The following NOVA1 variants were observed in gnomAD, a reference collection of about 807,000 sequenced individuals.
The protein encoded by NOVA1 is NOVA alternative splicing regulator 1, also known as RNA-binding protein Nova-1.
A neutral mutation model predicts 38.0 loss-of-function variants in NOVA1; 7 were observed. That is an observed-to-expected ratio of 0.18 (90% confidence interval 0.10 to 0.35). The LOEUF (loss-of-function observed/expected upper bound fraction) is 0.35. Ranked by LOEUF, NOVA1 falls within the 10% of genes least tolerant of loss-of-function variation. The pLI is 1.00. For missense variants in NOVA1, 460 were observed against 616.0 expected (o/e 0.75, Z 2.68); for synonymous variants, 270 against 232.5 (o/e 1.16, Z -1.47).
Position 26,470,244 on chromosome 14 carries a change from A to G in NOVA1, c.519+2076T>C, listed in dbSNP as rs187197367. The stretch of plus-strand genomic sequence containing the variant: ...TTATCTTGGTTATATACTTCCAGAT[A>G]TAAGTCAGTATAGCAAAGCTAAATT... On this transcript the variant is annotated intron_variant, in intron 4 of 4. Coordinates refer to ENST00000539517, the MANE Select transcript of NOVA1 (RefSeq NM_002515.3). 2.0e-4 allele frequency: 234 copies of G among 1,169,172 alleles called. 1 individual carries two copies. The Middle Eastern group carries it at 3.7e-3, about 18-fold the overall frequency. The allele number at this position is 1,169,172 out of a possible 1,614,324, so 72.4% of individuals were successfully genotyped here. A position where few individuals can be genotyped will look rare whatever the true frequency, so the allele number is the denominator to read the frequency against.
chr14:26,481,524 T>C (rs1885447477), intron 2 of NOVA1, among the ~76,000 whole-genome samples: 2 of 152,016 alleles, frequency 1.3e-5, no homozygotes, highest in South Asian at 4.1e-4. Flanking sequence ...AAGAAAAACT[T>C]AGAGATATAC....
chr14:26,478,421 A>AT (rs1445749376), intron 3 of NOVA1, among the ~76,000 whole-genome samples: 1 of 151,926 alleles, frequency 6.6e-6, no homozygotes, highest in Non-Finnish European at 1.5e-5. Context: ...AAATGTTTGA[A>AT]TTTTCTCACA....
At chr14:26,564,588 T>C (rs1159715047) in intron 2 of NOVA1, among the ~76,000 whole-genome samples, 2 of 152,152 alleles carry the variant, frequency 1.3e-5, no homozygotes, top group Non-Finnish European at 2.9e-5. Flanking sequence ...TAGTTACTGC[T>C]CCTCGCGATA....
At chr14:26,450,162 C>G (rs1882536751) in intron 4 of NOVA1, among the ~76,000 whole-genome samples, 1 of 152,030 alleles carries the variant, frequency 6.6e-6, no homozygotes, top group African/African-American at 2.4e-5. Context: ...AAAATTTGAG[C>G]AGGACATTTA....
chr14:26,552,827 T>G (rs146135828), intron 2 of NOVA1, among the ~76,000 whole-genome samples: 1 of 152,290 alleles, frequency 6.6e-6, no homozygotes, highest in Non-Finnish European at 1.5e-5. Context: ...GAAGCAGCAT[T>G]ACTTAAATGA....
chr14:26,475,125 C>T (rs534164513), intron 3 of NOVA1, among the ~76,000 whole-genome samples: 1 of 151,970 alleles, frequency 6.6e-6, no homozygotes, highest in African/African-American at 2.4e-5. Flanking sequence ...AACAAAAATC[C>T]GTAAGAAATA....
chr14:26,570,144 C>T (rs1271549622), intron 2 of NOVA1, among the ~76,000 whole-genome samples: 2 of 152,042 alleles, frequency 1.3e-5, no homozygotes, highest in African/African-American at 4.8e-5. Context: ...GTCAGGCGTT[C>T]GAGATCAGCC....
Position 26,451,367 on chromosome 14 carries a change from T to TTTAC in NOVA1, c.520-2405_520-2404insGTAA, listed in dbSNP as rs1417978609. Among the ~76,000 whole-genome samples the TTTAC allele has an allele frequency of 1.4e-4, 22 of 152,256 alleles. 1 individual carries two copies. In the East Asian group the frequency reaches 3.9e-3, roughly 27 times the overall value. Reference sequence around the variant, plus strand: ...ATACTCAACATTTTATTTTTATTTATTTATTTATTTATTTTTGAGAGACGG... The same window carrying TTTAC: ...ATACTCAACATTTTATTTTTATTTATTTACTTATTTATTTATTTTTGAGAGACGG... On this transcript the variant is annotated intron_variant, in intron 4 of 4. Transcript: ENST00000539517.
chr14:26,589,794 T>C (rs978981519), intron 2 of NOVA1, among the ~76,000 whole-genome samples: 1 of 151,800 alleles, frequency 6.6e-6, no homozygotes, highest in Non-Finnish European at 1.5e-5. Context: ...GTACATTCTA[T>C]CAGTTTCATG....
At chr14:26,466,444 A>G (rs1172096519) in intron 4 of NOVA1, among the ~76,000 whole-genome samples, 1 of 152,134 alleles carries the variant, frequency 6.6e-6, no homozygotes, top group Non-Finnish European at 1.5e-5. Flanking sequence ...GGAACTGGAC[A>G]TAGTCTGGAG....
chr14:26,455,495 A>G (rs983254280), intron 4 of NOVA1, among the ~76,000 whole-genome samples: 1 of 152,078 alleles, frequency 6.6e-6, no homozygotes, highest in Non-Finnish European at 1.5e-5. Context: ...TTTTAGCATT[A>G]TGAGAAAATT....
In NOVA1 at chr14:26,597,443, A is replaced by G. The variant is rs768648164; in HGVS notation, c.-7T>C. The G allele has an allele frequency of 3.9e-6, 5 of 1,274,900 alleles. No individual in the cohort carries two copies. The highest frequency in any genetic ancestry group is 5.0e-6 in the Non-Finnish European group (5 of 1,006,712). 79.0% of individuals were successfully genotyped at this position (1,274,900 alleles called of 1,614,324 possible). A position where few individuals can be genotyped will look rare whatever the true frequency, so the allele number is the denominator to read the frequency against. ...TGGGAGCTGCCGCCATCATGTTTGC[A>G]GTTCCTGCCGCTGCTACCGGGAGAA... On this transcript the variant is annotated 5_prime_UTR_variant, in exon 1 of 5. Transcript: ENST00000539517.
intron 4 of NOVA1, among the ~76,000 whole-genome samples, chr14:26,471,248 C>A (rs1221408593): frequency 2.0e-5 from 3 of 151,826 alleles, no homozygotes; most frequent in African/African-American, 7.3e-5. Flanking sequence ...TTAAATCTTT[C>A]TTCAGGTTGC....
chr14:26,477,852 T>C (rs915325780), intron 3 of NOVA1, among the ~76,000 whole-genome samples: 11 of 152,004 alleles, frequency 7.2e-5, no homozygotes, highest in Admixed American at 7.2e-4. Flanking sequence ...TACATTTCAC[T>C]GCTTTACTAG....
intron 2 of NOVA1, among the ~76,000 whole-genome samples, chr14:26,528,418 A>G (rs1305343568): frequency 1.3e-5 from 2 of 152,190 alleles, no homozygotes; most frequent in Non-Finnish European, 2.9e-5. Flanking sequence ...CTGCTAAGCC[A>G]TGTAGGGCCA....
intron 2 of NOVA1, among the ~76,000 whole-genome samples, chr14:26,571,801 TA>T (rs1467798852): frequency 3.3e-5 from 5 of 152,322 alleles, no homozygotes; most frequent in Non-Finnish European, 7.4e-5. Flanking sequence ...CTCAATAGAA[TA>T]TTATTACAAG....
At chr14:26,476,052 A>G (rs769318003) in intron 3 of NOVA1, among the ~76,000 whole-genome samples, 4 of 152,150 alleles carry the variant, frequency 2.6e-5, no homozygotes, top group Non-Finnish European at 4.4e-5. Context: ...CCAATCCCCT[A>G]TTTTGAGTTC....
intron 2 of NOVA1, among the ~76,000 whole-genome samples, chr14:26,491,482 T>A (rs1197841215): frequency 6.6e-6 from 1 of 152,218 alleles, no homozygotes; most frequent in Non-Finnish European, 1.5e-5. Context: ...CCAATTTATT[T>A]TTTGTTCCCA....
At chr14:26,542,671 A>T (rs959753267) in intron 2 of NOVA1, among the ~76,000 whole-genome samples, 1 of 151,264 alleles carries the variant, frequency 6.6e-6, no homozygotes, top group Non-Finnish European at 1.5e-5. Flanking sequence ...TTCTGACCAT[A>T]TCTAAAGATG....
Sources: gnomAD v4.1 joint callset for allele counts (sites outside exome capture counted in the v4.1 genomes callset) on GRCh38, gnomAD v4.1.1 for gene constraint, MANE v1.5 for transcripts, NCBI Gene and HGNC (gene_info 2026-07-23, HGNC 2026-07-21) for gene names.